The following KCTD14 variants were observed in gnomAD, a reference collection of about 807,000 sequenced individuals.
KCTD14 encodes the protein BTB/POZ domain-containing protein KCTD14.
A neutral mutation model predicts 5.9 loss-of-function variants in KCTD14; 7 were observed. The ratio of observed to expected loss-of-function variants is 1.19; its 90% CI spans 0.68 to 2.23. The LOEUF (loss-of-function observed/expected upper bound fraction) is 2.23, where lower values mean the gene tolerates loss of function less well. Ranked by LOEUF, KCTD14 falls within the 30% of genes most tolerant of loss-of-function variation. The pLI is 0.00. For synonymous variants in KCTD14, 140 were observed against 133.1 expected, an observed-to-expected ratio of 1.05 and a Z score of -0.36; for missense variants, 342 against 332.2, an observed-to-expected ratio of 1.03 and a Z score of -0.23.
chr11:78,027,922 G>A (rs1444125586), upstream of KCTD14, among the ~76,000 whole-genome samples: 1 of 151,970 alleles, frequency 6.6e-6, no homozygotes, highest in Non-Finnish European at 1.5e-5. Flanking sequence ...CAGTCTTAAG[G>A]TCTCTGTTTT....
chr11:78,029,771 A>C (rs1857563628), intron 2 of KCTD14, among the ~76,000 whole-genome samples: 2 of 150,476 alleles, frequency 1.3e-5, no homozygotes, highest in South Asian at 4.3e-4. Flanking sequence ...AATCTCAGAC[A>C]AGACTTTTTT....
At position 78,023,213 on chromosome 11, in the gene KCTD14, T is replaced by A. The variant is rs572661672; in HGVS notation, c.37A>T (p.Arg13Trp). Residue 13 changes from arginine (R) to tryptophan (W), a missense_variant, in exon 1 of 2, where the codon AGG becomes TGG. By Grantham distance (101) the Arg-to-Trp change is moderately radical. Coordinates refer to ENST00000353172, the MANE Select transcript of KCTD14 (RefSeq NM_023930.4). The part of the protein sequence containing the change: ...QGCAVERPVG[R>W]MTSQTPLPQS... ...GGCAGAGGGGTCTGGCTCGTCATCC[T>A]GCCCACTGGCCGCTCCACTGCGCAG... 3.7e-6 allele frequency: 6 copies of A among 1,608,148 alleles called. No homozygotes were observed. In the Admixed American group the frequency reaches 8.3e-5, roughly 22 times the overall value.
chr11:78,038,076 C>G (rs1857867889), intron 2 of KCTD14, among the ~76,000 whole-genome samples: 1 of 152,014 alleles, frequency 6.6e-6, no homozygotes, highest in East Asian at 1.9e-4. Flanking sequence ...ACTCTGCCCC[C>G]CACACCATCC....
chr11:78,029,185 C>CAA (rs34088894), intron 2 of KCTD14, among the ~76,000 whole-genome samples: 3 of 113,380 alleles, frequency 2.6e-5, no homozygotes, highest in East Asian at 2.9e-4. Context: ...ACTCTGTCTC[C>CAA]AAAAAAAAAA....
At chr11:78,042,894 T>C (rs1316440229) in intron 1 of KCTD14, among the ~76,000 whole-genome samples, 7 of 152,248 alleles carry the variant, frequency 4.6e-5, no homozygotes, top group Non-Finnish European at 8.8e-5. Context: ...GTGCCATTTA[T>C]ATAGCTTGCG....
Position 78,038,526 on chromosome 11 carries a change from G to A in KCTD14, c.-1+138C>T, listed in dbSNP as rs192923574. 89 of 975,138 alleles carry A rather than the reference G, an allele frequency of 9.1e-5. No individual in the cohort carries two copies. The East Asian group carries it at 1.3e-3, about 14-fold the overall frequency. 60.4% of individuals were successfully genotyped at this position (975,138 alleles called of 1,614,324 possible). ...TTGGGTTCCTGGAGAGGAATCAACCGCACCCCATCTGGCTCCCCGCTCACT... is the reference window on the plus strand; with the variant it reads ...TTGGGTTCCTGGAGAGGAATCAACCACACCCCATCTGGCTCCCCGCTCACT... On this transcript the variant is annotated intron_variant, in intron 2 of 2. Coordinates refer to the KCTD14 transcript ENST00000533144.
intron 2 of KCTD14, among the ~76,000 whole-genome samples, chr11:78,036,100 A>G (rs1253940906): frequency 3.3e-5 from 5 of 152,168 alleles, no homozygotes; most frequent in African/African-American, 7.2e-5. Flanking sequence ...AGGAGGTTGC[A>G]TTGAGCAGAG....
intron 2 of KCTD14, among the ~76,000 whole-genome samples, chr11:78,033,815 C>T (rs1237042836): frequency 2.0e-5 from 3 of 147,058 alleles, no homozygotes; most frequent in Non-Finnish European, 4.5e-5. Flanking sequence ...CACTGCACTA[C>T]AGCTTGGGTG....
rs1857177158 is a variant in KCTD14 at position 78,016,825 on chromosome 11, T to A, written c.536A>T (p.Asp179Val). 7 of 1,614,148 alleles carry A rather than the reference T, an allele frequency of 4.3e-6. No individual in the cohort carries two copies. The East Asian group carries it at 1.1e-4, about 26-fold the overall frequency. The stretch of plus-strand genomic sequence containing the variant: ...ACACAGGACCTCTGAATAATATGCA[T>A]CCTGCTCCTCAGTTTCCACCAGGCA... ...LVCLVETEEQDAYYSEVLCFL... is the reference protein window; with the variant it reads ...LVCLVETEEQVAYYSEVLCFL... Residue 179 changes from aspartate to valine, a missense_variant, in exon 2 of 2, where the codon GAT becomes GTT. By Grantham distance (152) the Asp-to-Val change is radical. Transcript: ENST00000353172.
intron 1 of KCTD14, among the ~76,000 whole-genome samples, chr11:78,017,575 G>A (rs779922708): frequency 2.0e-5 from 3 of 151,052 alleles, no homozygotes; most frequent in Non-Finnish European, 4.4e-5. Flanking sequence ...CTCCCTAATC[G>A]CTGGGACTGC....
At chr11:78,025,136 A>C (rs866173374), upstream of KCTD14, among the ~76,000 whole-genome samples, 1 of 113,520 alleles carries the variant, frequency 8.8e-6, no homozygotes, top group Admixed American at 8.1e-5. Context: ...ATATATATAT[A>C]TATATATATA....
chr11:78,040,812 G>C (rs1459629484), intron 1 of KCTD14, among the ~76,000 whole-genome samples: 1 of 152,058 alleles, frequency 6.6e-6, no homozygotes, highest in Non-Finnish European at 1.5e-5. Context: ...TAGGACTACA[G>C]GTACGCATCA....
At chr11:78,018,156 A>T (rs1474795582) in intron 1 of KCTD14, among the ~76,000 whole-genome samples, 1 of 152,184 alleles carries the variant, frequency 6.6e-6, no homozygotes, top group Non-Finnish European at 1.5e-5. Context: ...AGAGGCTGCC[A>T]TGGAAGGAAG....
At chr11:78,044,272 C>T (rs1858071843) in intron 1 of KCTD14, among the ~76,000 whole-genome samples, 1 of 152,166 alleles carries the variant, frequency 6.6e-6, no homozygotes, top group African/African-American at 2.4e-5. Flanking sequence ...TGCCTGGCAC[C>T]TAGCAGGGTG....
intron 1 of KCTD14, among the ~76,000 whole-genome samples, chr11:78,017,707 A>G (rs1857208986): frequency 6.6e-6 from 1 of 152,082 alleles, no homozygotes; most frequent in Non-Finnish European, 1.5e-5. Flanking sequence ...AGCCTCCCAC[A>G]GTGCCCGGCC....
At chr11:78,033,119 A>G (rs1251902217) in intron 2 of KCTD14, among the ~76,000 whole-genome samples, 1 of 152,138 alleles carries the variant, frequency 6.6e-6, no homozygotes, top group Non-Finnish European at 1.5e-5. Flanking sequence ...TGTTCTTTCT[A>G]GCATAAGTGG....
chr11:78,023,183 A>G lies in KCTD14; in HGVS notation c.67T>C (p.Ser23Pro), dbSNP rs1263039298. ...ACCGTTGGCCGCCTGGGCCGGGGGG[A>G]CTGGGGCAGAGGGGTCTGGCTCGTC... ...RMTSQTPLPQSPRPRRPTMST... is the reference protein window; with the variant it reads ...RMTSQTPLPQPPRPRRPTMST... Residue 23 changes from serine (S) to proline (P), a missense_variant, in exon 1 of 2, where the codon TCC (serine) becomes CCC (proline). Ser to Pro is a moderately conservative substitution (Grantham distance 74). Coordinates refer to ENST00000353172, the MANE Select transcript of KCTD14 (RefSeq NM_023930.4). 3 of 1,598,184 alleles carry G rather than the reference A, an allele frequency of 1.9e-6. 1 individual carries two copies. The highest frequency in any genetic ancestry group is 4.6e-5 in the East Asian group (2 of 43,482).
intron 2 of KCTD14, among the ~76,000 whole-genome samples, chr11:78,037,133 C>T (rs1857828266): frequency 1.3e-5 from 2 of 152,194 alleles, no homozygotes; most frequent in African/African-American, 4.8e-5. Context: ...GGATGAGAGG[C>T]AGAGGGGCCA....
chr11:78,037,638 G>A, intron 2 of KCTD14, among the ~76,000 whole-genome samples: 1 of 152,106 alleles, frequency 6.6e-6, no homozygotes. Context: ...GGCCAAAATG[G>A]TGAAACCCCG....
Sources: gnomAD v4.1 joint callset for allele counts (sites outside exome capture counted in the v4.1 genomes callset) on GRCh38, gnomAD v4.1.1 for gene constraint, MANE v1.5 for transcripts, NCBI Gene and HGNC (gene_info 2026-07-23, HGNC 2026-07-21) for gene names.